The following KCNIP4 variants were observed in gnomAD, a reference collection of about 807,000 sequenced individuals.
KCNIP4 encodes Kv channel-interacting protein 4.
KCNIP4 carries 12 observed loss-of-function variants against 34.0 expected under a neutral mutation model. The observed-to-expected ratio is 0.35, with a 90% confidence interval of 0.23 to 0.57. KCNIP4 has a LOEUF of 0.57. Among genes scored for constraint, KCNIP4 ranks in the 20% least tolerant of loss-of-function variants. The pLI, the probability that KCNIP4 is intolerant of heterozygous loss-of-function variation, is 0.83. For synonymous variants in KCNIP4, 124 were observed against 102.2 expected, an observed-to-expected ratio of 1.21 and a Z score of -1.29; for missense variants, 238 against 311.7, an observed-to-expected ratio of 0.76 and a Z score of 1.78.
chr4:21,819,804 T>A lies in KCNIP4; in HGVS notation c.61+128767A>T, dbSNP rs149390706. Among the ~76,000 whole-genome samples the A allele has an allele frequency of 8.4e-3, 1,282 of 152,254 alleles. 14 individuals are homozygous for A. The highest frequency in any genetic ancestry group is 0.028 in the South Asian group (136 of 4,826). On this transcript the variant is annotated intron_variant, in intron 1 of 8. Coordinates refer to ENST00000382152, the MANE Select transcript of KCNIP4 (RefSeq NM_025221.6). Reference sequence around the variant, plus strand: ...TATCAAATTTATCCTTCGTTCAAATTTGTAAGGTTTGAGAGACACTTACTT... The same window carrying A: ...TATCAAATTTATCCTTCGTTCAAATATGTAAGGTTTGAGAGACACTTACTT...
intron 1 of KCNIP4, among the ~76,000 whole-genome samples, chr4:21,206,189 T>A (rs1391826931): frequency 6.6e-6 from 1 of 152,200 alleles, no homozygotes; most frequent in Non-Finnish European, 1.5e-5. Flanking sequence ...TGATATAAAG[T>A]AAAGAATGGA....
chr4:20,980,181 G>GA (rs1735933364), intron 1 of KCNIP4, among the ~76,000 whole-genome samples: 1 of 152,172 alleles, frequency 6.6e-6, no homozygotes, highest in Non-Finnish European at 1.5e-5. Flanking sequence ...TGTTTAGTAA[G>GA]TAGTCTCCTT....
At chr4:21,747,692 C>G (rs1716867670) in intron 1 of KCNIP4, among the ~76,000 whole-genome samples, 1 of 152,058 alleles carries the variant, frequency 6.6e-6, no homozygotes, top group Non-Finnish European at 1.5e-5. Context: ...AATTGGGACT[C>G]TTATTTTCCT....
intron 1 of KCNIP4, among the ~76,000 whole-genome samples, chr4:21,276,964 A>G (rs148177389): frequency 0.014 from 2,115 of 152,302 alleles, 21 homozygotes; most frequent in South Asian, 0.025. Flanking sequence ...CAATGTTGAG[A>G]CTATGGATGA....
At chr4:21,903,400 T>A (rs1051760837) in intron 1 of KCNIP4, among the ~76,000 whole-genome samples, 2 of 152,170 alleles carry the variant, frequency 1.3e-5, no homozygotes, top group African/African-American at 4.8e-5. Context: ...ATTAACCATA[T>A]GGAAAACCCA....
Position 20,915,998 on chromosome 4 carries a change from A to G in KCNIP4, c.62-33289T>C, listed in dbSNP as rs79566398. On this transcript the variant is annotated intron_variant, in intron 1 of 8. Transcript: ENST00000382152. Reference sequence around the variant, plus strand: ...CTCTCCCATTTTTCATTCTTTTCCCATATGGCTGGAAAAGGGGAATAAATT... The same window carrying G: ...CTCTCCCATTTTTCATTCTTTTCCCGTATGGCTGGAAAAGGGGAATAAATT... 2.5e-4 allele frequency among the ~76,000 whole-genome samples: 38 copies of G among 152,240 alleles called. 1 individual carries two copies. The East Asian group carries it at 6.8e-3, about 27-fold the overall frequency.
intron 1 of KCNIP4, among the ~76,000 whole-genome samples, chr4:21,024,117 C>T (rs1740325370): frequency 1.3e-5 from 2 of 152,112 alleles, no homozygotes; most frequent in Admixed American, 1.3e-4. Context: ...TTCTGCTGCA[C>T]AATTTTAATT....
At chr4:20,946,121 G>T (rs78411301) in intron 1 of KCNIP4, among the ~76,000 whole-genome samples, 1 of 152,156 alleles carries the variant, frequency 6.6e-6, no homozygotes, top group East Asian at 1.9e-4. Context: ...TCCTCACTGT[G>T]TATGGCTTAT....
Position 21,948,719 on chromosome 4 carries a change from G to T in KCNIP4, c.-88C>A. The T allele has an allele frequency of 1.4e-6, 2 of 1,409,412 alleles. No homozygotes were observed. Among genetic ancestry groups the T allele is most frequent in the Non-Finnish European group, 1.9e-6 (2 of 1,061,974 alleles). 87.3% of individuals were successfully genotyped at this position (1,409,412 alleles called of 1,614,324 possible). Reference sequence around the variant, plus strand: ...CGGGTCTGCACGGGAGCGCACCGCCGCTCGGCCCGGGGGCGTCCGTGGCGC... The same window carrying T: ...CGGGTCTGCACGGGAGCGCACCGCCTCTCGGCCCGGGGGCGTCCGTGGCGC... On this transcript the variant is annotated 5_prime_UTR_variant, in exon 1 of 9. Transcript: ENST00000382152.
In KCNIP4 at chr4:21,133,256, C is replaced by T. The variant is rs753644876; in HGVS notation, c.62-250547G>A. 2.3e-4 allele frequency among the ~76,000 whole-genome samples: 35 copies of T among 152,132 alleles called. 1 individual carries two copies. Among genetic ancestry groups the T allele is most frequent in the Admixed American group, 5.2e-4 (8 of 15,278 alleles). ...CTTCCTCACATACACAATGTTAATG[C>T]TTTATTTTCAAAACCTCCTGGGTTT... On this transcript the variant is annotated intron_variant, in intron 1 of 8. Coordinates refer to ENST00000382152, the MANE Select transcript of KCNIP4 (RefSeq NM_025221.6).
intron 1 of KCNIP4, among the ~76,000 whole-genome samples, chr4:21,382,744 T>A (rs1721631833): frequency 6.6e-6 from 1 of 152,144 alleles, no homozygotes; most frequent in Admixed American, 6.6e-5. Flanking sequence ...ATCTGAATTA[T>A]CCATGAAACA....
chr4:21,539,265 C>T (rs1737477374), intron 1 of KCNIP4, among the ~76,000 whole-genome samples: 1 of 152,122 alleles, frequency 6.6e-6, no homozygotes, highest in Non-Finnish European at 1.5e-5. Flanking sequence ...TTTGAACTGC[C>T]ACAAATGCAA....
chr4:21,320,741 C>T (rs1382456795), intron 1 of KCNIP4, among the ~76,000 whole-genome samples: 3 of 151,906 alleles, frequency 2.0e-5, no homozygotes, highest in Non-Finnish European at 4.4e-5. Flanking sequence ...GAGACCAAGG[C>T]GGGTGGATCA....
At chr4:21,714,799 A>C (rs1254349744) in intron 1 of KCNIP4, among the ~76,000 whole-genome samples, 1 of 4,594 alleles carries the variant, frequency 2.2e-4, no homozygotes, top group African/African-American at 2.4e-3. Context: ...ATTTTATTTT[A>C]TTTTATTTTA....
chr4:21,021,633 A>G (rs1284480917), intron 1 of KCNIP4, among the ~76,000 whole-genome samples: 1 of 152,146 alleles, frequency 6.6e-6, no homozygotes, highest in East Asian at 1.9e-4. Context: ...CTAGACCTAT[A>G]CATGGCCAGG....
At chr4:21,199,327 T>C (rs1312862014) in intron 1 of KCNIP4, among the ~76,000 whole-genome samples, 1 of 152,224 alleles carries the variant, frequency 6.6e-6, no homozygotes, top group East Asian at 1.9e-4. Flanking sequence ...TGGCCAGTGA[T>C]GATGAGCATT....
chr4:21,767,460 G>A (rs562435675), intron 1 of KCNIP4, among the ~76,000 whole-genome samples: 1 of 152,056 alleles, frequency 6.6e-6, no homozygotes, highest in Non-Finnish European at 1.5e-5. Context: ...TGGAGTGACA[G>A]GTGAGAGAGG....
chr4:21,594,941 T>C (rs765800336), intron 1 of KCNIP4, among the ~76,000 whole-genome samples: 1 of 152,058 alleles, frequency 6.6e-6, no homozygotes, highest in Non-Finnish European at 1.5e-5. Flanking sequence ...TGAAAAGTAA[T>C]GGCAAAAACC....
chr4:21,811,228 C>T (rs1721630778), intron 1 of KCNIP4, among the ~76,000 whole-genome samples: 2 of 152,156 alleles, frequency 1.3e-5, no homozygotes, highest in South Asian at 4.1e-4. Flanking sequence ...CTACTCAATC[C>T]TACTTGATAA....
Sources: gnomAD v4.1 joint callset for allele counts (sites outside exome capture counted in the v4.1 genomes callset) on GRCh38, gnomAD v4.1.1 for gene constraint, MANE v1.5 for transcripts, NCBI Gene and HGNC (gene_info 2026-07-23, HGNC 2026-07-21) for gene names.